Variants in ARHGAP15 observed in about 807,000 individuals in gnomAD.
ARHGAP15 encodes rho GTPase-activating protein 15.
ARHGAP15 carries 51 observed loss-of-function variants against 63.7 expected under a neutral mutation model. That is an observed-to-expected ratio of 0.80 (90% CI 0.64 to 1.01). ARHGAP15 has a LOEUF of 1.01. Among genes scored for constraint, ARHGAP15 ranks in the 50% least tolerant of loss-of-function variants. The pLI is 0.00. For synonymous variants in ARHGAP15, 191 were observed against 193.8 expected, an observed-to-expected ratio of 0.99 and a Z score of 0.12; for missense variants, 560 against 564.6, an observed-to-expected ratio of 0.99 and a Z score of 0.08.
intron 6 of ARHGAP15, among the ~76,000 whole-genome samples, chr2:143,312,266 A>AT (rs1198008483): frequency 2.0e-5 from 3 of 152,076 alleles, no homozygotes; most frequent in Non-Finnish European, 4.4e-5. Context: ...AGCAGCAGAT[A>AT]TTTTTCTCCA....
rs566037718 is a variant in ARHGAP15 at position 143,292,971 on chromosome 2, T to C, written c.474+42371T>C. On this transcript the variant is annotated intron_variant, in intron 6 of 13. Coordinates refer to ENST00000295095, the MANE Select transcript of ARHGAP15 (RefSeq NM_018460.4). ...CAGAATTACTGATTGTAATCAGTTT[T>C]CTTCGAACTTTTCCTTTAGCACTTA... Among the ~76,000 whole-genome samples the C allele has an allele frequency of 2.6e-5, 4 of 152,186 alleles. No individual in the cohort carries two copies. The East Asian group carries it at 7.7e-4, about 29-fold the overall frequency.
rs143997894 is a variant in ARHGAP15, at chr2:143,269,759, A to T, written c.474+19159A>T. ...TGATTATACTGAGAAAATCAAGAGG[A>T]AAATTATTTAAAATAAATCATTCTC... On this transcript the variant is annotated intron_variant, in intron 6 of 13. Transcript: ENST00000295095. Among the ~76,000 whole-genome samples the T allele has an allele frequency of 7.9e-5, 12 of 152,286 alleles. 1 individual carries two copies. The East Asian group carries it at 2.3e-3, about 29-fold the overall frequency.
intron 8 of ARHGAP15, among the ~76,000 whole-genome samples, chr2:143,479,157 C>G (rs147790323): frequency 6.6e-6 from 1 of 152,286 alleles, no homozygotes; most frequent in Non-Finnish European, 1.5e-5. Context: ...TGAAATACTG[C>G]TAATGATGGT....
intron 6 of ARHGAP15, among the ~76,000 whole-genome samples, chr2:143,387,655 G>A (rs1435751062): frequency 6.6e-6 from 1 of 151,952 alleles, no homozygotes; most frequent in African/African-American, 2.4e-5. Flanking sequence ...GTATGAACCA[G>A]GCCATAGAGA....
At chr2:143,282,168 C>G (rs969868384) in intron 6 of ARHGAP15, among the ~76,000 whole-genome samples, 36 of 152,064 alleles carry the variant, frequency 2.4e-4, no homozygotes, top group Admixed American at 2.3e-3. Context: ...CCCTAAAAGT[C>G]TATAGACTTT....
At chr2:143,263,306 G>T (rs1050521380) in intron 6 of ARHGAP15, among the ~76,000 whole-genome samples, 3 of 152,130 alleles carry the variant, frequency 2.0e-5, no homozygotes, top group African/African-American at 7.2e-5. Context: ...GAATGGTAGG[G>T]CAGGCAGAGA....
chr2:143,733,194 CTTA>C (rs769202946), intron 13 of ARHGAP15, among the ~76,000 whole-genome samples: 4 of 152,110 alleles, frequency 2.6e-5, no homozygotes, highest in Admixed American at 6.6e-5. Context: ...AGAAAGAGTA[CTTA>C]TTATCAAATC....
chr2:143,415,220 A>G (rs1368573061), intron 6 of ARHGAP15, among the ~76,000 whole-genome samples: 2 of 152,170 alleles, frequency 1.3e-5, no homozygotes, highest in Admixed American at 1.3e-4. Flanking sequence ...AGGAAAAAAA[A>G]TTGATAAAAT....
chr2:143,184,016 C>A (rs1190409006), intron 2 of ARHGAP15, among the ~76,000 whole-genome samples: 3 of 152,116 alleles, frequency 2.0e-5, no homozygotes, highest in Non-Finnish European at 4.4e-5. Context: ...AGCTTCTCAG[C>A]CGCCCAAGTC....
chr2:143,217,718 G>A (rs368053046), intron 4 of ARHGAP15, among the ~76,000 whole-genome samples: 4 of 152,292 alleles, frequency 2.6e-5, no homozygotes, highest in African/African-American at 9.6e-5. Flanking sequence ...TCAGGAAGGA[G>A]TGTGGAGGGT....
chr2:143,512,336 G>A (rs977778964), intron 9 of ARHGAP15, among the ~76,000 whole-genome samples: 1 of 152,178 alleles, frequency 6.6e-6, no homozygotes, highest in Non-Finnish European at 1.5e-5. Flanking sequence ...CAATTACTGT[G>A]GCCAAGAAGA....
intron 1 of ARHGAP15, among the ~76,000 whole-genome samples, chr2:143,138,713 G>T (rs529733475): frequency 6.6e-6 from 1 of 151,922 alleles, no homozygotes; most frequent in Non-Finnish European, 1.5e-5. Context: ...TATCCAATAC[G>T]GTAGCAACTA....
intron 6 of ARHGAP15, among the ~76,000 whole-genome samples, chr2:143,304,947 A>G (rs763838363): frequency 6.6e-6 from 1 of 152,066 alleles, no homozygotes; most frequent in Non-Finnish European, 1.5e-5. Flanking sequence ...AACCAGAAAT[A>G]CCATTGGACC....
intron 6 of ARHGAP15, among the ~76,000 whole-genome samples, chr2:143,382,743 G>A (rs138269338): frequency 1.8e-3 from 270 of 152,248 alleles, no homozygotes; most frequent in Middle Eastern, 6.8e-3. Context: ...GGAAGATCCC[G>A]TGAGGCTGAA....
chr2:143,617,204 A>C (rs1189039559), intron 11 of ARHGAP15, among the ~76,000 whole-genome samples: 2 of 152,154 alleles, frequency 1.3e-5, no homozygotes, highest in South Asian at 2.1e-4. Flanking sequence ...TAAAGAGCTA[A>C]CTCTGTTGTT....
At chr2:143,518,199 T>C (rs769515624) in intron 9 of ARHGAP15, among the ~76,000 whole-genome samples, 1 of 152,172 alleles carries the variant, frequency 6.6e-6, no homozygotes, top group Non-Finnish European at 1.5e-5. Flanking sequence ...TTTACCACAA[T>C]TATAAAAAAC....
chr2:143,384,175 C>T (rs895567124), intron 6 of ARHGAP15, among the ~76,000 whole-genome samples: 5 of 151,886 alleles, frequency 3.3e-5, no homozygotes, highest in Admixed American at 1.3e-4. Context: ...GACATTTAAA[C>T]GTATGCCTGT....
intron 1 of ARHGAP15, among the ~76,000 whole-genome samples, chr2:143,145,546 G>A (rs1225182744): frequency 6.6e-6 from 1 of 151,990 alleles, no homozygotes; most frequent in Non-Finnish European, 1.5e-5. Flanking sequence ...ATAACAATCT[G>A]CAAATCTGAA....
intron 11 of ARHGAP15, among the ~76,000 whole-genome samples, chr2:143,590,966 G>A (rs1185211779): frequency 1.3e-5 from 2 of 151,512 alleles, no homozygotes; most frequent in African/African-American, 2.4e-5. Flanking sequence ...TCTTGATTCA[G>A]TACCTATTGC....
Sources: allele counts gnomAD v4.1 joint callset (sites outside exome capture counted in the v4.1 genomes callset), GRCh38; gene constraint gnomAD v4.1.1; transcripts MANE v1.5; gene names NCBI Gene and HGNC (gene_info 2026-07-23, HGNC 2026-07-21).